The following FASTKD5 variants were observed in gnomAD, a reference collection of about 807,000 sequenced individuals.
The protein encoded by FASTKD5 is non-canonical pre-mRNAs endonuclease FASTKD5, mitochondrial.
In FASTKD5, 30 loss-of-function variants were observed where a neutral mutation model predicts 44.0. That is an observed-to-expected ratio of 0.68 (90% confidence interval 0.51 to 0.93). The LOEUF (loss-of-function observed/expected upper bound fraction) is 0.93. Among genes scored for constraint, FASTKD5 ranks in the 40% least tolerant of loss-of-function variants. FASTKD5 has a pLI of 0.00. For missense variants in FASTKD5, 868 were observed against 908.2 expected (o/e 0.96, Z 0.57); for synonymous variants, 335 against 342.2 (o/e 0.98, Z 0.23).
In FASTKD5 at chr20:3,147,267, G is replaced by C. The variant is rs768305527; in HGVS notation, c.1804C>G (p.Pro602Ala). Reference protein sequence around the residue: ...VQLDVNLKPLPFNREATPAEN... With the variant: ...VQLDVNLKPLAFNREATPAEN... ...GCCGGCGTGGCTTCTCTATTAAATG[G>C]TAATGGCTTCAGGTTAACATCAAGC... Residue 602 changes from proline (P) to alanine (A), a missense_variant, in exon 2 of 2, where the codon CCA (proline) becomes GCA (alanine). Pro to Ala is a conservative substitution (Grantham distance 27). Transcript: ENST00000380266. 3 of 1,614,184 alleles carry C rather than the reference G, an allele frequency of 1.9e-6. No homozygotes were observed. In the South Asian group the frequency reaches 3.3e-5, roughly 18 times the overall value.
chr20:3,151,525 C>T (rs980437377), intron 1 of FASTKD5, among the ~76,000 whole-genome samples: 1 of 151,986 alleles, frequency 6.6e-6, no homozygotes, highest in African/African-American at 2.4e-5. Context: ...AACTTGGCCA[C>T]GCCTATAATC....
intron 1 of FASTKD5, among the ~76,000 whole-genome samples, 197 bp downstream of exon 1, chr20:3,159,569 C>A (rs1034326855): frequency 6.6e-6 from 1 of 152,246 alleles, no homozygotes; most frequent in Non-Finnish European, 1.5e-5. Context: ...AACTCAGGAG[C>A]GGCGAGAGTC....
At chr20:3,153,700 C>T (rs1055956555) in intron 1 of FASTKD5, among the ~76,000 whole-genome samples, 3 of 152,142 alleles carry the variant, frequency 2.0e-5, no homozygotes, top group Non-Finnish European at 2.9e-5. Context: ...CTTGAAAGTC[C>T]CTTCCACCTC....
Position 3,148,769 on chromosome 20 carries a change from A to T in FASTKD5, c.302T>A (p.Val101Asp). The change falls in exon 2 of 2, where the codon GTT (valine) becomes GAT (aspartate). Residue 101 changes from valine to aspartate, a missense_variant. Val to Asp is a radical substitution (Grantham distance 152, BLOSUM62 -3). Coordinates refer to ENST00000380266, the MANE Select transcript of FASTKD5 (RefSeq NM_021826.5). ...AAACACTTCTACGTCCTCTTCATCA[A>T]CTCCTGTGGCCCTGGGTGAGCCCAG... ...LQLGSPRATGVDEEDVEVFDS... is the reference protein window; with the variant it reads ...LQLGSPRATGDDEEDVEVFDS... 6.2e-7 allele frequency: 1 copy of T among 1,614,036 alleles called. No individual in the cohort carries two copies. Among genetic ancestry groups the T allele is most frequent in the Non-Finnish European group, 8.5e-7 (1 of 1,180,002 alleles).
chr20:3,147,629 A>C lies in FASTKD5; in HGVS notation c.1442T>G (p.Phe481Cys). Residue 481 changes from phenylalanine to cysteine, a missense_variant, in exon 2 of 2, where the codon TTT becomes TGT. Transcript: ENST00000380266. The stretch of plus-strand genomic sequence containing the variant: ...TAACTCTACTGGAAAGTACTCCAAA[A>C]ATGCCAGGCCCAGCAGGCAGGTGGG... ...HLPTCLLGLA[F>C]LEYFPVELID... is the part of the protein sequence containing the mutation. The C allele has an allele frequency of 6.2e-7, 1 of 1,614,182 alleles. No individual in the cohort carries two copies. Among genetic ancestry groups the C allele is most frequent in the Non-Finnish European group, 8.5e-7 (1 of 1,180,024 alleles).
Position 3,147,293 on chromosome 20 carries a change from T to C in FASTKD5, c.1778A>G (p.Gln593Arg), listed in dbSNP as rs1402453396. The C allele has an allele frequency of 1.9e-6, 3 of 1,614,252 alleles. No homozygotes were observed. The highest frequency in any genetic ancestry group is 2.5e-6 in the Non-Finnish European group (3 of 1,180,048). Residue 593 changes from glutamine (Q) to arginine (R), a missense_variant, in exon 2 of 2, where the codon CAG (glutamine) becomes CGG (arginine). Physicochemically the swap from Gln to Arg is conservative, Grantham distance 43 (BLOSUM62 1). Transcript: ENST00000380266. ...TAATGGCTTCAGGTTAACATCAAGC[T>C]GGACCTCTAAGTCAGAAGATCGGGT... ...PHTRSSDLEV[Q>R]LDVNLKPLPF... is the part of the protein sequence containing the mutation.
intron 1 of FASTKD5, among the ~76,000 whole-genome samples, chr20:3,154,736 G>C (rs2066666541): frequency 6.6e-6 from 1 of 152,056 alleles, no homozygotes; most frequent in African/African-American, 2.4e-5. Context: ...TCCCTATTCA[G>C]TTGAGAATAA....
Position 3,147,003 on chromosome 20 carries a change from T to C in FASTKD5, c.2068A>G (p.Met690Val). ...GCCAGCTTCATTCTTGGGGTCTGCATGCAGGCTGCGGGGCACAGGCCAGCC... is the reference window on the plus strand; with the variant it reads ...GCCAGCTTCATTCTTGGGGTCTGCACGCAGGCTGCGGGGCACAGGCCAGCC... ...EMAGLCPAACMQTPRMKLAVQ... is the reference protein window; with the variant it reads ...EMAGLCPAACVQTPRMKLAVQ... The change falls in exon 2 of 2, where the codon ATG becomes GTG. Residue 690 changes from methionine (M) to valine (V), a missense_variant. Met to Val is a conservative substitution (Grantham distance 21). Transcript: ENST00000380266. 1 of 1,614,210 alleles carries C rather than the reference T, an allele frequency of 6.2e-7. No homozygotes were observed. Among genetic ancestry groups the C allele is most frequent in the Non-Finnish European group, 8.5e-7 (1 of 1,180,030 alleles).
chr20:3,158,350 A>G (rs995413683), intron 1 of FASTKD5, among the ~76,000 whole-genome samples: 20 of 152,316 alleles, frequency 1.3e-4, no homozygotes, highest in African/African-American at 4.1e-4. Flanking sequence ...AAATAAACCA[A>G]TGGATGGGGA....
rs769075640 is a variant in FASTKD5 at position 3,147,999 on chromosome 20, T to C, written c.1072A>G (p.Asn358Asp). Reference sequence around the variant, plus strand: ...GTGAAACGGAACATTTTAACAATATTCACTAAGGAGCGACTACTCAGATGC... The same window carrying C: ...GTGAAACGGAACATTTTAACAATATCCACTAAGGAGCGACTACTCAGATGC... ...IQHLSSRSLV[N>D]IVKMFRFTHV... Residue 358 changes from asparagine to aspartate, a missense_variant, in exon 2 of 2, where the codon AAT becomes GAT. Asn to Asp is a conservative substitution (Grantham distance 23, BLOSUM62 1). Transcript: ENST00000380266. The C allele has an allele frequency of 7.4e-6, 12 of 1,614,142 alleles. No individual in the cohort carries two copies. Among genetic ancestry groups the C allele is most frequent in the Non-Finnish European group, 1.0e-5 (12 of 1,180,042 alleles).
rs2066601498 is a variant in FASTKD5 at position 3,149,309 on chromosome 20, T to C, written c.-190-49A>G. On this transcript the variant is annotated intron_variant, in intron 1 of 1. Transcript: ENST00000380266. This position sits in a 1 kb window ranked among gnomAD's most constrained non-coding sequence, Gnocchi z 4.1. ...TGAGTGGCTTCTACCTATAAAAGCA[T>C]CCAAATTTACACATTATAAAAAACA... 1.9e-6 allele frequency: 1 copy of C among 517,862 alleles called. No homozygotes were observed. Among genetic ancestry groups the C allele is most frequent in the East Asian group, 3.1e-5 (1 of 32,302 alleles). The allele number at this position is 517,862 out of a possible 1,614,324, so 32.1% of individuals were successfully genotyped here.
At chr20:3,155,909 T>C (rs185597418) in intron 1 of FASTKD5, among the ~76,000 whole-genome samples, 24 of 152,304 alleles carry the variant, frequency 1.6e-4, no homozygotes, top group Non-Finnish European at 2.9e-4. Context: ...AGAAACTGTA[T>C]CTACATACAC....
rs772510697 is a variant in FASTKD5, at chr20:3,146,953, C to T, written c.2118G>A (p.Gln706=). The T allele has an allele frequency of 6.2e-7, 1 of 1,614,212 alleles. No individual in the cohort carries two copies. The highest frequency in any genetic ancestry group is 1.1e-5 in the South Asian group (1 of 91,084). The change falls in exon 2 of 2, where the codon CAG becomes CAA. Residue 706 remains glutamine, a synonymous_variant. Transcript: ENST00000380266. ...KLAVQFTNRN[Q]YCYGSRDLLG... Reference sequence around the variant, plus strand: ...GGAGATCCCTGGAGCCATAGCAATACTGGTTCCTGTTTGTGAACTGAACAG... The same window carrying T: ...GGAGATCCCTGGAGCCATAGCAATATTGGTTCCTGTTTGTGAACTGAACAG...
chr20:3,158,543 G>A (rs1159026405), intron 1 of FASTKD5, among the ~76,000 whole-genome samples: 3 of 152,028 alleles, frequency 2.0e-5, no homozygotes, highest in Non-Finnish European at 2.9e-5. Context: ...GCGCGATCTC[G>A]GCTCACTGCA....
In FASTKD5 at chr20:3,149,032, G is replaced by A. The variant is rs1462031655; in HGVS notation, c.39C>T (p.Tyr13=). Residue 13 remains tyrosine, a synonymous_variant, in exon 2 of 2, where the codon TAC becomes TAT. Coordinates refer to ENST00000380266, the MANE Select transcript of FASTKD5 (RefSeq NM_021826.5). This position sits in a 1 kb window ranked among gnomAD's most constrained non-coding sequence, Gnocchi z 4.1. ...AGGCAGAAGGACTGCAAAATGCTCG[G>A]TATCTTACAAGTTTTAATGACTTGA... ...ATLKSLKLVR[Y]RAFCSPSAFG... The A allele has an allele frequency of 1.6e-5, 26 of 1,613,494 alleles. No individual in the cohort carries two copies. The highest frequency in any genetic ancestry group is 2.2e-5 in the Non-Finnish European group (26 of 1,179,798).
intron 1 of FASTKD5, among the ~76,000 whole-genome samples, chr20:3,155,596 G>A (rs1215553199): frequency 6.6e-6 from 1 of 151,956 alleles, no homozygotes; most frequent in African/African-American, 2.4e-5. Flanking sequence ...TGAACTATTT[G>A]ACTGTTTAAA....
intron 1 of FASTKD5, among the ~76,000 whole-genome samples, chr20:3,152,597 T>C (rs769755313): frequency 6.6e-6 from 1 of 152,094 alleles, no homozygotes; most frequent in Non-Finnish European, 1.5e-5. Context: ...AAATCTGTAG[T>C]CTTCATCTCA....
Position 3,146,547 on chromosome 20 carries a change from TTTA to T in FASTKD5, c.*226_*228del. On this transcript the variant is annotated 3_prime_UTR_variant, in exon 2 of 2. Transcript: ENST00000380266. The stretch of plus-strand genomic sequence containing the variant: ...CTTGACCGTAGGACATATTAAGATG[TTTA>T]TTATTTACTAAGAGTAACATGTATA... The T allele has an allele frequency of 2.0e-6, 1 of 495,278 alleles. No individual in the cohort carries two copies. Among genetic ancestry groups the T allele is most frequent in the Non-Finnish European group, 3.5e-6 (1 of 283,782 alleles). The allele number at this position is 495,278 out of a possible 1,614,324, so 30.7% of individuals were successfully genotyped here.
At chr20:3,151,255 T>C (rs2066621282) in intron 1 of FASTKD5, among the ~76,000 whole-genome samples, 1 of 152,174 alleles carries the variant, frequency 6.6e-6, no homozygotes, top group Non-Finnish European at 1.5e-5. Flanking sequence ...AGATCAAGGG[T>C]GAGCAGACTA....
Sources: gnomAD v4.1 joint callset for allele counts (sites outside exome capture counted in the v4.1 genomes callset) on GRCh38, gnomAD v4.1.1 for gene constraint, Gnocchi (gnomAD v3.1) non-coding constraint, MANE v1.5 for transcripts, NCBI Gene and HGNC (gene_info 2026-07-23, HGNC 2026-07-21) for gene names.